The following CKLF variants were observed in gnomAD, a reference collection of about 807,000 sequenced individuals.
The protein encoded by CKLF is chemokine-like factor.
Under a neutral mutation model 12.9 loss-of-function variants are expected in CKLF, and 16 were observed. The observed-to-expected ratio is 1.24, with a 90% CI of 0.84 to 1.88. The LOEUF is 1.88. CKLF is among the 40% of genes most tolerant of loss of function. The pLI is 0.00. For missense variants in CKLF, 172 were observed against 188.5 expected (o/e 0.91, Z 0.51); for synonymous variants, 61 against 69.0 (o/e 0.88, Z 0.57).
intron 2 of CKLF, chr16:66,558,567 A>T (rs2011542599): frequency 4.3e-6 from 2 of 459,988 alleles, no homozygotes; most frequent in Non-Finnish European, 7.4e-6. Flanking sequence ...ACCATCTATC[A>T]GTAGATGTGG....
intron 2 of CKLF, 47 bp downstream of exon 2, chr16:66,558,395 T>G (rs1317416052): frequency 6.3e-7 from 1 of 1,576,408 alleles, no homozygotes; most frequent in East Asian, 2.2e-5. Flanking sequence ...CCTACCATAG[T>G]GAGATATTCT....
At chr16:66,558,080 T>C in intron 1 of CKLF, 110 bp from the exon 2 acceptor site, 9 of 1,508,118 alleles carry the variant, frequency 6.0e-6, no homozygotes, top group Non-Finnish European at 8.0e-6. Flanking sequence ...AATGCTGGGA[T>C]TATAGGCATG....
chr16:66,555,937 G>A (rs3785087), intron 1 of CKLF, among the ~76,000 whole-genome samples: 37,150 of 152,022 alleles, frequency 0.24, 5,697 homozygotes, highest in East Asian at 0.39. Flanking sequence ...AAGGTAGATT[G>A]TGGTACCACC....
At chr16:66,565,687 G>T in intron 3 of CKLF, 199 bp from the exon 4 acceptor site, 4 of 584,160 alleles carry the variant, frequency 6.8e-6, no homozygotes, top group Non-Finnish European at 1.2e-5. Flanking sequence ...TCTTTCTATA[G>T]GCAAGTATTT....
intron 2 of CKLF, 39 bp downstream of exon 2, chr16:66,558,387 T>C (rs1387969899): frequency 1.9e-6 from 3 of 1,583,152 alleles, no homozygotes; most frequent in Admixed American, 2.0e-5. Context: ...TACTTTTTCC[T>C]ACCATAGTGA....
At chr16:66,557,956 C>T (rs1208281058) in intron 1 of CKLF, among the ~76,000 whole-genome samples, 3 of 152,078 alleles carry the variant, frequency 2.0e-5, no homozygotes, top group Non-Finnish European at 1.5e-5. Flanking sequence ...GTGTATATGG[C>T]AGAAACCCCA....
In CKLF at chr16:66,563,185, C is replaced by T. The variant is rs760835652; in HGVS notation, c.301C>T (p.Pro101Ser). The change falls in exon 3 of 4, where the codon CCA becomes TCA. Residue 101 changes from proline to serine, a missense_variant. By Grantham distance (74) the Pro-to-Ser change is moderately conservative. Transcript: ENST00000264001. ...MLIVSVLALI[P>S]ETTTLTVGGG... The stretch of plus-strand genomic sequence containing the variant: ...CATCGTATCTGTGTTGGCACTGATA[C>T]CAGAAACCACAACATTGACAGTTGG... The T allele has an allele frequency of 6.2e-7, 1 of 1,613,944 alleles. No homozygotes were observed. The highest frequency in any genetic ancestry group is 8.5e-7 in the Non-Finnish European group (1 of 1,179,988).
chr16:66,552,836 G>C (rs759651100), intron 1 of CKLF, 43 bp downstream of exon 1: 1 of 1,613,506 alleles, frequency 6.2e-7, no homozygotes, highest in Non-Finnish European at 8.5e-7. Flanking sequence ...TGAAGCTGCT[G>C]GGGGGCGGGA....
chr16:66,562,756 T>C lies in CKLF; in HGVS notation c.238-366T>C, dbSNP rs375153009. 1.2e-4 allele frequency among the ~76,000 whole-genome samples: 19 copies of C among 152,334 alleles called. 1 individual carries two copies. In the East Asian group the frequency reaches 1.5e-3, roughly 12 times the overall value. ...CTTTTGTTGCAACAGAGTCTCACTC[T>C]GTTGCCCAGGCTGTAGTGCAGTGGC... On this transcript the variant is annotated intron_variant, in intron 2 of 3. Transcript: ENST00000264001.
intron 3 of CKLF, 79 bp downstream of exon 3, chr16:66,563,296 G>A: frequency 6.5e-7 from 1 of 1,531,766 alleles, no homozygotes; most frequent in Non-Finnish European, 9.0e-7. Context: ...TGTAAGAATA[G>A]AAAGCTATAC....
At chr16:66,559,402 T>C (rs1431738182) in intron 2 of CKLF, among the ~76,000 whole-genome samples, 6 of 152,208 alleles carry the variant, frequency 3.9e-5, no homozygotes, top group Non-Finnish European at 5.9e-5. Context: ...AACTACTTGA[T>C]GTACACTTCA....
intron 2 of CKLF, among the ~76,000 whole-genome samples, chr16:66,562,171 G>A (rs1266608865): frequency 2.6e-5 from 4 of 151,460 alleles, no homozygotes; most frequent in African/African-American, 9.7e-5. Flanking sequence ...TGCAATCTCC[G>A]TCTCCTGGCT....
chr16:66,561,589 A>C (rs979180437), intron 2 of CKLF, among the ~76,000 whole-genome samples: 3 of 152,130 alleles, frequency 2.0e-5, no homozygotes, highest in Admixed American at 2.0e-4. Flanking sequence ...GCCTGTCTGA[A>C]GTAGGAGTGT....
chr16:66,565,620 T>G (rs963186228), intron 3 of CKLF: 2 of 461,528 alleles, frequency 4.3e-6, no homozygotes, highest in Non-Finnish European at 7.8e-6. Context: ...CAAACAAGTA[T>G]GGATTTCAGA....
Position 66,558,255 on chromosome 16 carries a change from C to T in CKLF, c.144C>T (p.Ile48=), listed in dbSNP as rs202172549. 1.9e-6 allele frequency: 3 copies of T among 1,613,836 alleles called. No individual in the cohort carries two copies. In the African/African-American group the frequency reaches 4.0e-5, roughly 22 times the overall value. The change falls in exon 2 of 4, where the codon ATC becomes ATT. Residue 48 remains isoleucine (I), a synonymous_variant. Coordinates refer to ENST00000264001, the MANE Select transcript of CKLF (RefSeq NM_016951.4). ...AAGCCCCTGAACCATATATTGTTAT[C>T]ACTGGATTTGAAGTCACCGTTATCT... ...IAQAPEPYIV[I]TGFEVTVILF... is the part of the protein sequence containing the mutation.
chr16:66,554,271 T>G (rs2011320498), intron 1 of CKLF, among the ~76,000 whole-genome samples: 1 of 152,164 alleles, frequency 6.6e-6, no homozygotes, highest in Non-Finnish European at 1.5e-5. Flanking sequence ...TTAAGATATG[T>G]GATAAGATGG....
intron 1 of CKLF, among the ~76,000 whole-genome samples, chr16:66,556,892 T>C (rs1184104332): frequency 6.6e-6 from 1 of 152,218 alleles, no homozygotes; most frequent in Non-Finnish European, 1.5e-5. Context: ...GGGAAGACTC[T>C]TGACCAAACC....
intron 3 of CKLF, 135 bp from the exon 4 acceptor site, chr16:66,565,751 G>A: frequency 1.3e-6 from 1 of 750,710 alleles, no homozygotes; most frequent in Non-Finnish European, 2.3e-6. Flanking sequence ...CTCCATGTTA[G>A]TATTAGATGA....
Position 66,552,576 on chromosome 16 carries a change from A to C in CKLF, c.-140A>C. The stretch of plus-strand genomic sequence containing the variant: ...GGCGCCGTGCGCATGCGCGCAAGAG[A>C]GCGGGAAGCCGAGCTGGGCGAGAAG... On this transcript the variant is annotated 5_prime_UTR_variant, in exon 1 of 4. Transcript: ENST00000264001. 7.3e-7 allele frequency: 1 copy of C among 1,362,126 alleles called. No homozygotes were observed. The allele number at this position is 1,362,126 out of a possible 1,614,324, so 84.4% of individuals were successfully genotyped here.
Sources: gnomAD v4.1 joint callset for allele counts (sites outside exome capture counted in the v4.1 genomes callset) on GRCh38, gnomAD v4.1.1 for gene constraint, MANE v1.5 for transcripts, NCBI Gene and HGNC (gene_info 2026-07-23, HGNC 2026-07-21) for gene names.